Variants in LCORL observed in about 807,000 individuals in gnomAD.
The protein encoded by LCORL is ligand dependent nuclear receptor corepressor like, also known as ligand-dependent nuclear receptor corepressor-like protein.
Under a neutral mutation model 141.8 loss-of-function variants are expected in LCORL, and 41 were observed. The ratio of observed to expected loss-of-function variants is 0.29; its 90% CI spans 0.23 to 0.38. LCORL has a LOEUF of 0.38. Among genes scored for constraint, LCORL ranks in the 10% least tolerant of loss-of-function variants. The pLI, the probability that LCORL is intolerant of heterozygous loss-of-function variation, is 1.00. For synonymous variants in LCORL, 618 were observed against 694.1 expected (o/e 0.89, Z 1.72); for missense variants, 1,759 against 2,035.0 (o/e 0.86, Z 2.61).
At chr4:17,932,842 T>G (rs1736268901) in intron 4 of LCORL, among the ~76,000 whole-genome samples, 1 of 152,216 alleles carries the variant, frequency 6.6e-6, no homozygotes, top group South Asian at 2.1e-4. Flanking sequence ...AGAAAATGTT[T>G]GCTGACTACA....
rs570290087 is a variant in LCORL at position 18,006,325 on chromosome 4, ATTCAACAAATCTCTAAGAAGTTCCAAATT to A, written c.154+15244_154+15272del. Among the ~76,000 whole-genome samples, 23 of 152,282 alleles carry A rather than the reference ATTCAACAAATCTCTAAGAAGTTCCAAATT, an allele frequency of 1.5e-4. 1 individual carries two copies. In the East Asian group the frequency reaches 4.3e-3, roughly 28 times the overall value. On this transcript the variant is annotated intron_variant, in intron 1 of 7. Transcript: ENST00000635767. The stretch of plus-strand genomic sequence containing the variant: ...CACTATCAGCATTTTTATCAAAGCC[ATTCAACAAATCTCTAAGAAGTTCCAAATT>A]TTCCCACATTTTCCTGTCTTCTTCT...
intron 4 of LCORL, among the ~76,000 whole-genome samples, chr4:17,940,599 T>G (rs1029180550): frequency 1.3e-5 from 2 of 150,750 alleles, no homozygotes; most frequent in African/African-American, 4.9e-5. Context: ...TAGTTGAGAA[T>G]GTAAAAAATA....
chr4:17,950,245 C>T (rs748218290), intron 4 of LCORL, among the ~76,000 whole-genome samples: 1 of 152,052 alleles, frequency 6.6e-6, no homozygotes, highest in Non-Finnish European at 1.5e-5. Context: ...TTGTACAGAA[C>T]CATTCTTTAT....
At position 17,906,568 on chromosome 4, in the gene LCORL, A is replaced by AG. The variant is rs369125547; in HGVS notation, c.682+2525dup. On this transcript the variant is annotated intron_variant, in intron 5 of 7. Transcript: ENST00000635767. ...TTTCACATATATTTGCACTTTGTTT[A>AG]GACTATTACAATAATTTAAATAATT... Among the ~76,000 whole-genome samples, 414 of 152,324 alleles carry AG rather than the reference A, an allele frequency of 2.7e-3. 3 individuals carry two copies. The highest frequency in any genetic ancestry group is 9.5e-3 in the African/African-American group (395 of 41,584).
intron 6 of LCORL, chr4:17,881,766 C>T: frequency 1.0e-6 from 1 of 975,778 alleles, no homozygotes; most frequent in Non-Finnish European, 1.2e-6. Flanking sequence ...TCAAAGCCCC[C>T]AAAGTTTTCC....
At chr4:17,915,206 T>C (rs910938505) in intron 4 of LCORL, among the ~76,000 whole-genome samples, 4 of 152,066 alleles carry the variant, frequency 2.6e-5, no homozygotes, top group African/African-American at 9.7e-5. Flanking sequence ...AGCAGTCCCA[T>C]GAGGTGGCTC....
At chr4:17,916,710 T>C (rs947775603) in intron 4 of LCORL, among the ~76,000 whole-genome samples, 1 of 149,794 alleles carries the variant, frequency 6.7e-6, no homozygotes, top group Admixed American at 6.7e-5. Context: ...AGAGGCATGA[T>C]CTTGGCTCAC....
chr4:18,012,692 A>C (rs1723993544), intron 1 of LCORL, among the ~76,000 whole-genome samples: 1 of 152,182 alleles, frequency 6.6e-6, no homozygotes, highest in Admixed American at 6.5e-5. Context: ...AAAAAAATAC[A>C]TGTAGAATCC....
intron 7 of LCORL, among the ~76,000 whole-genome samples, chr4:17,859,861 A>G (rs778956975): frequency 1.3e-5 from 2 of 152,232 alleles, no homozygotes; most frequent in Non-Finnish European, 2.9e-5. Flanking sequence ...CATTCACAAT[A>G]GCCACAAAAG....
At position 17,935,910 on chromosome 4, in the gene LCORL, T is replaced by C. The variant is rs146373446; in HGVS notation, c.430+25993A>G. ...TAGGTACACAGTAATTGAAAAGCAA[T>C]TTTGGAATTAAATCCTCTGAAAGTA... On this transcript the variant is annotated intron_variant, in intron 4 of 7. Transcript: ENST00000635767. 3.3e-3 allele frequency among the ~76,000 whole-genome samples: 509 copies of C among 152,302 alleles called. 2 individuals carry two copies. Among genetic ancestry groups the C allele is most frequent in the Non-Finnish European group, 5.9e-3 (399 of 68,036 alleles).
intron 1 of LCORL, among the ~76,000 whole-genome samples, chr4:17,975,540 G>A (rs1232430916): frequency 3.9e-5 from 6 of 152,012 alleles, no homozygotes; most frequent in Admixed American, 6.6e-5. Flanking sequence ...AGGACTAAAG[G>A]CACATGCCAT....
chr4:17,926,387 C>T (rs1029782303), intron 4 of LCORL, among the ~76,000 whole-genome samples: 22 of 152,312 alleles, frequency 1.4e-4, no homozygotes, highest in African/African-American at 5.1e-4. Flanking sequence ...ATTAGTCTGG[C>T]TAAGTCTTCT....
At chr4:17,908,965 A>G (rs964563831) in intron 5 of LCORL, 129 bp downstream of exon 5, 1 of 823,454 alleles carries the variant, frequency 1.2e-6, no homozygotes, top group African/African-American at 1.7e-5. Context: ...TCCAGCACAT[A>G]TTACATAAGC....
At chr4:17,969,636 A>T (rs918156173) in intron 2 of LCORL, among the ~76,000 whole-genome samples, 2 of 152,186 alleles carry the variant, frequency 1.3e-5, no homozygotes, top group Non-Finnish European at 2.9e-5. Flanking sequence ...ACAAGAATAT[A>T]CAAGAATTAT....
At chr4:17,993,682 G>C (rs977601362) in intron 1 of LCORL, among the ~76,000 whole-genome samples, 1 of 152,148 alleles carries the variant, frequency 6.6e-6, no homozygotes, top group African/African-American at 2.4e-5. Flanking sequence ...ATGAACCATG[G>C]AAAGTCTTGA....
intron 7 of LCORL, among the ~76,000 whole-genome samples, chr4:17,851,788 CAAT>C (rs1723752011): frequency 6.6e-6 from 1 of 152,220 alleles, no homozygotes; most frequent in East Asian, 1.9e-4. Flanking sequence ...GTCTAACCAA[CAAT>C]GTGTGAAGAG....
intron 1 of LCORL, among the ~76,000 whole-genome samples, chr4:17,998,505 T>A (rs979545124): frequency 3.9e-5 from 6 of 152,090 alleles, no homozygotes; most frequent in African/African-American, 1.4e-4. Context: ...AGCCTAGGCA[T>A]ACACAGAGTA....
At chr4:17,876,422 T>C in exon 7 of LCORL, 5 of 1,230,918 alleles carry the variant, frequency 4.1e-6, no homozygotes, top group Non-Finnish European at 5.1e-6. Context: ...ATCCTTCTGA[T>C]AATGGCTGAT....
exon 7 of LCORL, chr4:17,874,812 G>A (rs1024977569): frequency 4.1e-6 from 5 of 1,233,626 alleles, no homozygotes; most frequent in Non-Finnish European, 4.0e-6. Context: ...TGCATTCCGC[G>A]AAAGTCTGTT....
Sources: gnomAD v4.1 joint callset for allele counts (sites outside exome capture counted in the v4.1 genomes callset) on GRCh38, gnomAD v4.1.1 for gene constraint, MANE v1.5 for transcripts, NCBI Gene and HGNC (gene_info 2026-07-23, HGNC 2026-07-21) for gene names.